Variants in TMED1 observed in about 807,000 individuals in gnomAD.
The protein encoded by TMED1 is transmembrane p24 trafficking protein 1.
Under a neutral mutation model 21.2 loss-of-function variants are expected in TMED1, and 20 were observed. The ratio of observed to expected loss-of-function variants is 0.95; its 90% CI spans 0.67 to 1.37. The LOEUF (loss-of-function observed/expected upper bound fraction) is 1.37, where lower values mean the gene tolerates loss of function less well. Among genes scored for constraint, TMED1 ranks in the 40% most tolerant of loss-of-function variants. The pLI is 0.00. For missense variants in TMED1, 316 were observed against 309.8 expected (o/e 1.02, Z -0.15); for synonymous variants, 149 against 134.7 (o/e 1.11, Z -0.74).
rs894438823 is a variant in TMED1 at position 10,832,750 on chromosome 19, A to T, written c.*245T>A. ...CAGGAAATCCGAGGCTCACGTTCCA[A>T]CGCTGCAGTGCCCACCATGTGAGAT... On this transcript the variant is annotated 3_prime_UTR_variant, in exon 4 of 4. Transcript: ENST00000214869. The T allele has an allele frequency of 3.3e-6, 2 of 601,648 alleles. No individual in the cohort carries two copies. The highest frequency in any genetic ancestry group is 2.0e-5 in the South Asian group (1 of 48,936). 37.3% of individuals were successfully genotyped at this position (601,648 alleles called of 1,614,324 possible). A position where few individuals can be genotyped will look rare whatever the true frequency, so the allele number is the denominator to read the frequency against.
rs777431667 is a variant in TMED1 at position 10,835,035 on chromosome 19, C to G, written c.364G>C (p.Glu122Gln). 1.2e-6 allele frequency: 2 copies of G among 1,614,112 alleles called. No homozygotes were observed. The highest frequency in any genetic ancestry group is 1.7e-5 in the Admixed American group (1 of 60,010). ...STISEKLVFFELIFDSLQDDE... is the reference protein window; with the variant it reads ...STISEKLVFFQLIFDSLQDDE... ...TCCTGGAGGCTGTCAAAGATCAGTT[C>G]AAAGAACACCAGCTTCTCGGAGATG... The change falls in exon 3 of 4, where the codon GAA becomes CAA. Residue 122 changes from glutamate to glutamine, a missense_variant. Glu to Gln is a conservative substitution (Grantham distance 29). Coordinates refer to ENST00000214869, the MANE Select transcript of TMED1 (RefSeq NM_006858.4).
At position 10,833,100 on chromosome 19, in the gene TMED1, G is replaced by C. The variant is rs766048529; in HGVS notation, c.579C>G (p.Val193=). 2 of 1,614,124 alleles carry C rather than the reference G, an allele frequency of 1.2e-6. No individual in the cohort carries two copies. Among genetic ancestry groups the C allele is most frequent in the Non-Finnish European group, 1.7e-6 (2 of 1,180,052 alleles). Reference sequence around the variant, plus strand: ...CCACGTTGACAGCTGACCAGAAGTTGACCCGCTCCAAGTTGCCCTCTTGCA... The same window carrying C: ...CCACGTTGACAGCTGACCAGAAGTTCACCCGCTCCAAGTTGCCCTCTTGCA... ...RNLQEGNLER[V]NFWSAVNVAV... is the part of the protein sequence containing the mutation. The change falls in exon 4 of 4, where the codon GTC becomes GTG. Residue 193 remains valine, a synonymous_variant. Transcript: ENST00000214869.
chr19:10,835,962 GC>G, intron 1 of TMED1, 46 bp downstream of exon 1: 1 of 1,517,904 alleles, frequency 6.6e-7, no homozygotes. Context: ...GCTTGGCCAC[GC>G]CCCCTCTCCC....
chr19:10,836,117 C>T lies in TMED1; in HGVS notation c.75G>A (p.Gly25=). ...ACTCACCGTCCTGGATTGGCGGGGGCCCCGCCCCTCCCACCTCCACTGGTG... is the reference window on the plus strand; with the variant it reads ...ACTCACCGTCCTGGATTGGCGGGGGTCCCGCCCCTCCCACCTCCACTGGTG... The part of the protein sequence containing the change: ...LMPPVEVGGA[G]PPPIQDGEFT... The change falls in exon 1 of 4, where the codon GGG becomes GGA. Residue 25 remains glycine (G), a synonymous_variant. Coordinates refer to ENST00000214869, the MANE Select transcript of TMED1 (RefSeq NM_006858.4). The T allele has an allele frequency of 6.4e-7, 1 of 1,561,806 alleles. No individual in the cohort carries two copies. Among genetic ancestry groups the T allele is most frequent in the Admixed American group, 1.9e-5 (1 of 52,492 alleles).
rs995448231 is a variant in TMED1 at position 10,832,356 on chromosome 19, G to A, written c.*639C>T. The A allele has an allele frequency of 3.1e-6, 4 of 1,289,890 alleles. No homozygotes were observed. In the South Asian group the frequency reaches 3.7e-5, roughly 12 times the overall value. 79.9% of individuals were successfully genotyped at this position (1,289,890 alleles called of 1,614,324 possible). On this transcript the variant is annotated 3_prime_UTR_variant, in exon 4 of 4. Transcript: ENST00000214869. ...ACCTTTCTTCTGAGCTTCGTGGGAG[G>A]CCCCTCCCACCTGTCTGGCTGCCCC...
chr19:10,834,000 T>C (rs554542939), intron 3 of TMED1, among the ~76,000 whole-genome samples: 1 of 152,172 alleles, frequency 6.6e-6, no homozygotes, highest in African/African-American at 2.4e-5. Context: ...TGAAACCCTG[T>C]CTCTACTAAA....
At position 10,833,062 on chromosome 19, in the gene TMED1, A is replaced by G. The variant is rs2073378172; in HGVS notation, c.617T>C (p.Leu206Pro). ...WSAVNVAVLL[L>P]VAVLQVCTLK... ...CGTGCAGACCTGCAGCACAGCCACCAGCAGCAGCACCGCCACGTTGACAGC... is the reference window on the plus strand; with the variant it reads ...CGTGCAGACCTGCAGCACAGCCACCGGCAGCAGCACCGCCACGTTGACAGC... Residue 206 changes from leucine to proline, a missense_variant, in exon 4 of 4, where the codon CTG (leucine) becomes CCG (proline). By Grantham distance (98) the Leu-to-Pro change is moderately conservative. Transcript: ENST00000214869. 1 of 1,613,966 alleles carries G rather than the reference A, an allele frequency of 6.2e-7. No individual in the cohort carries two copies. Among genetic ancestry groups the G allele is most frequent in the Non-Finnish European group, 8.5e-7 (1 of 1,180,048 alleles).
chr19:10,832,649 T>G lies in TMED1; in HGVS notation c.*346A>C. The G allele has an allele frequency of 1.8e-6, 1 of 563,174 alleles. No homozygotes were observed. The highest frequency in any genetic ancestry group is 3.2e-6 in the Non-Finnish European group (1 of 315,880). The allele number at this position is 563,174 out of a possible 1,614,324, so 34.9% of individuals were successfully genotyped here. On this transcript the variant is annotated 3_prime_UTR_variant, in exon 4 of 4. Transcript: ENST00000214869. ...GCTTGGAGGGCCCAGGTTTCCTTGT[T>G]AGGCCCTGCCCCGCACCAGGCAACG...
Position 10,835,187 on chromosome 19 carries a change from G to A in TMED1, c.281+69C>T, listed in dbSNP as rs1236394393. 5 of 1,612,000 alleles carry A rather than the reference G, an allele frequency of 3.1e-6. No homozygotes were observed. The African/African-American group carries it at 4.0e-5, about 13-fold the overall frequency. On this transcript the variant is annotated intron_variant, in intron 2 of 3. Transcript: ENST00000214869. ...CCGACTCAGCGGGGCAGTCAGGGCG[G>A]TAACCTGAGGCCGCCTGGGAAGGGC...
At position 10,835,353 on chromosome 19, in the gene TMED1, C is replaced by A. The variant is rs756690894; in HGVS notation, c.184G>T (p.Val62Leu). 2.5e-6 allele frequency: 4 copies of A among 1,613,368 alleles called. No individual in the cohort carries two copies. Among genetic ancestry groups the A allele is most frequent in the South Asian group, 1.1e-5 (1 of 91,086 alleles). ...ACGTCCAGTCCAGCACCTCCGATCACCTGGGGGGCAGGTAAGAGCGGGTGG... is the reference window on the plus strand; with the variant it reads ...ACGTCCAGTCCAGCACCTCCGATCAACTGGGGGGCAGGTAAGAGCGGGTGG... ...ANASLETEYQ[V>L]IGGAGLDVDF... Residue 62 changes from valine to leucine, a missense_variant and splice_region_variant, in exon 2 of 4, where the codon GTG (valine) becomes TTG (leucine). Coordinates refer to ENST00000214869, the MANE Select transcript of TMED1 (RefSeq NM_006858.4).
At chr19:10,835,736 C>A in intron 1 of TMED1, 1 of 1,409,838 alleles carries the variant, frequency 7.1e-7, no homozygotes. Context: ...CCACGCCCAC[C>A]AGCCAGAGTC....
Position 10,834,932 on chromosome 19 carries a change from A to C in TMED1, c.465+2T>G. ...AGTGGCCCCAGCGCAGCCTGGACAC[A>C]CCTTGATGTCCTCCATTTTAACATC... is the stretch of plus-strand genomic sequence containing the variant. On this transcript the variant is annotated splice_donor_variant, in intron 3 of 3. Transcript: ENST00000214869. LOFTEE classifies it high-confidence loss of function. The C allele has an allele frequency of 6.2e-7, 1 of 1,613,432 alleles. No individual in the cohort carries two copies. Among genetic ancestry groups the C allele is most frequent in the Admixed American group, 1.7e-5 (1 of 59,998 alleles).
chr19:10,834,829 T>C (rs1331403235), intron 3 of TMED1, 105 bp downstream of exon 3: 2 of 1,316,920 alleles, frequency 1.5e-6, no homozygotes, highest in Non-Finnish European at 1.1e-6. Flanking sequence ...TATAATTCAG[T>C]TGGAGGGCAC....
Position 10,833,043 on chromosome 19 carries a change from G to C in TMED1, c.636C>G (p.Val212=). ...CCTGGAAGAAGCGCTTGAGCGTGCA[G>C]ACCTGCAGCACAGCCACCAGCAGCA... The part of the protein sequence containing the change: ...AVLLLVAVLQ[V]CTLKRFFQDK... Residue 212 remains valine (V), a synonymous_variant, in exon 4 of 4, where the codon GTC becomes GTG. Coordinates refer to ENST00000214869, the MANE Select transcript of TMED1 (RefSeq NM_006858.4). The C allele has an allele frequency of 1.2e-6, 2 of 1,613,828 alleles. No individual in the cohort carries two copies. The highest frequency in any genetic ancestry group is 1.7e-6 in the Non-Finnish European group (2 of 1,180,044).
In TMED1 at chr19:10,833,179, C is replaced by T. The variant is rs151223408; in HGVS notation, c.500G>A (p.Arg167His). ...CAGTAGCGTGAGCATCTGGATGCTGCGCTCCAGCCGGGTCCGCATGGTCTC... is the reference window on the plus strand; with the variant it reads ...CAGTAGCGTGAGCATCTGGATGCTGTGCTCCAGCCGGGTCCGCATGGTCTC... ...SIETMRTRLE[R>H]SIQMLTLLRA... Residue 167 changes from arginine (R) to histidine (H), a missense_variant, in exon 4 of 4, where the codon CGC becomes CAC. Transcript: ENST00000214869. 38 of 1,613,510 alleles carry T rather than the reference C, an allele frequency of 2.4e-5. No homozygotes were observed. In the African/African-American group the frequency reaches 3.7e-4, roughly 16 times the overall value.
chr19:10,832,538 C>A lies in TMED1; in HGVS notation c.*457G>T. On this transcript the variant is annotated 3_prime_UTR_variant, in exon 4 of 4. Transcript: ENST00000214869. ...ACTTTGGCCGGGCCATCCCTCATGC[C>A]TGTGTGGGGCCCCTGCAGGAGAGGG... 4.0e-6 allele frequency: 2 copies of A among 505,538 alleles called. No individual in the cohort carries two copies. The highest frequency in any genetic ancestry group is 6.6e-6 in the Non-Finnish European group (2 of 301,142). 31.3% of individuals were successfully genotyped at this position (505,538 alleles called of 1,614,324 possible).
In TMED1 at chr19:10,835,104, C is replaced by T. The variant is rs752274359; in HGVS notation, c.295G>A (p.Glu99Lys). The T allele has an allele frequency of 1.4e-5, 23 of 1,613,830 alleles. No individual in the cohort carries two copies. In the South Asian group the frequency reaches 2.4e-4, roughly 17 times the overall value. Reference protein sequence around the residue: ...ADGVHTVEPTEAGDYKLCFDN... With the variant: ...ADGVHTVEPTKAGDYKLCFDN... ...AAGCACAGCTTGTAGTCCCCGGCCT[C>T]CGTTGGCTCCACCCTGGGCAGACAG... is the stretch of plus-strand genomic sequence containing the variant. Residue 99 changes from glutamate (E) to lysine (K), a missense_variant, in exon 3 of 4, where the codon GAG (glutamate) becomes AAG (lysine). By Grantham distance (56) the Glu-to-Lys change is moderately conservative (BLOSUM62 1). Coordinates refer to ENST00000214869, the MANE Select transcript of TMED1 (RefSeq NM_006858.4).
rs372122404 is a variant in TMED1, at chr19:10,835,237, G to C, written c.281+19C>G. 11 of 1,613,852 alleles carry C rather than the reference G, an allele frequency of 6.8e-6. No homozygotes were observed. In the African/African-American group the frequency reaches 1.2e-4, roughly 18 times the overall value. On this transcript the variant is annotated intron_variant, in intron 2 of 3. Transcript: ENST00000214869. ...CAGGGCTGTAACTGAACCCAGGCAG[G>C]CATCAAGACTGAACTCACGTGTGTA...
intron 3 of TMED1, 90 bp from the exon 4 acceptor site, chr19:10,833,303 G>A (rs1431037336): frequency 9.2e-7 from 1 of 1,084,872 alleles, no homozygotes; most frequent in Admixed American, 2.1e-5. Context: ...GAGGGAGGCT[G>A]TATTAACCCT....
Sources: allele counts gnomAD v4.1 joint callset (sites outside exome capture counted in the v4.1 genomes callset), GRCh38; gene constraint gnomAD v4.1.1; transcripts MANE v1.5; gene names NCBI Gene and HGNC (gene_info 2026-07-23, HGNC 2026-07-21).